Variants in C1orf105 observed in about 807,000 individuals in gnomAD.
C1orf105 encodes the protein chromosome 1 open reading frame 105.
Under a neutral mutation model 20.8 loss-of-function variants are expected in C1orf105, and 17 were observed. The observed-to-expected ratio is 0.82, with a 90% CI of 0.56 to 1.23. The LOEUF (loss-of-function observed/expected upper bound fraction) is 1.23. Among genes scored for constraint, C1orf105 ranks in the 50% most tolerant of loss-of-function variants. The pLI is 0.00. For missense variants in C1orf105, 219 were observed against 213.5 expected (o/e 1.03, Z -0.16); for synonymous variants, 72 against 72.1 (o/e 1.00, Z 0.01).
At chr1:172,425,637 G>C (rs1308291292) in intron 1 of C1orf105, among the ~76,000 whole-genome samples, 5 of 152,032 alleles carry the variant, frequency 3.3e-5, no homozygotes, top group Non-Finnish European at 5.9e-5. Flanking sequence ...TGATCACTTT[G>C]CCCAAAATCA....
chr1:172,443,416 G>A (rs1241906425), intron 1 of C1orf105: 3 of 166,904 alleles, frequency 1.8e-5, no homozygotes, highest in East Asian at 1.9e-4. Context: ...CATACAGAAA[G>A]GTATGAGCTC....
At chr1:172,460,163 A>G (rs1649586976) in intron 4 of C1orf105, among the ~76,000 whole-genome samples, 1 of 152,172 alleles carries the variant, frequency 6.6e-6, no homozygotes. Context: ...AAAACTACTA[A>G]ATTGCACATT....
chr1:172,451,778 A>G lies in C1orf105; in HGVS notation c.198+3247A>G, dbSNP rs773964341. Among the ~76,000 whole-genome samples, 25 of 150,396 alleles carry G rather than the reference A, an allele frequency of 1.7e-4. 1 individual carries two copies. Among genetic ancestry groups the G allele is most frequent in the Admixed American group, 1.3e-3 (19 of 15,194 alleles). ...AGATAGAAGGAACATGTGTAATATC[A>G]TAAGGTTTTTTTTGAATATTGAAAT... On this transcript the variant is annotated intron_variant, in intron 3 of 6. Transcript: ENST00000367727.
chr1:172,437,367 A>G (rs1341344566), intron 1 of C1orf105, among the ~76,000 whole-genome samples: 1 of 152,162 alleles, frequency 6.6e-6, no homozygotes, highest in Non-Finnish European at 1.5e-5. Flanking sequence ...TGGATTATGA[A>G]AATGTGGTAC....
rs139238043 is a variant in C1orf105 at position 172,442,376 on chromosome 1, G to A, written c.22-2697G>A. 1,039 of 1,612,942 alleles carry A rather than the reference G, an allele frequency of 6.4e-4. No individual in the cohort carries two copies. The highest frequency in any genetic ancestry group is 8.1e-4 in the Non-Finnish European group (961 of 1,179,638). On this transcript the variant is annotated intron_variant, in intron 1 of 6. Transcript: ENST00000367727. ...GCCAGACCAGTCCCTAAAAGCCAAT[G>A]GGGGGCCAGAAGACCCTCATCCATA...
chr1:172,460,479 T>C (rs1489417251), intron 4 of C1orf105, among the ~76,000 whole-genome samples: 1 of 152,204 alleles, frequency 6.6e-6, no homozygotes, highest in Non-Finnish European at 1.5e-5. Context: ...GTCCTTCTGT[T>C]ATCTGCATTA....
At chr1:172,434,960 T>C (rs954019257) in intron 1 of C1orf105, among the ~76,000 whole-genome samples, 4 of 152,164 alleles carry the variant, frequency 2.6e-5, no homozygotes, top group African/African-American at 9.7e-5. Context: ...CAGAGAATAC[T>C]ATAAACACCT....
chr1:172,442,411 A>G, intron 1 of C1orf105: 1 of 1,614,090 alleles, frequency 6.2e-7, no homozygotes, highest in South Asian at 1.1e-5. Flanking sequence ...ATACCACCAG[A>G]TAACCACAAA....
At chr1:172,440,919 C>T (rs952064852) in intron 1 of C1orf105, among the ~76,000 whole-genome samples, 1 of 152,192 alleles carries the variant, frequency 6.6e-6, no homozygotes, top group Non-Finnish European at 1.5e-5. Context: ...TGGACATCTC[C>T]ATAGTTGTTC....
At position 172,420,881 on chromosome 1, in the gene C1orf105, G is replaced by A. The variant is rs146005600; in HGVS notation, c.-5G>A. On this transcript the variant is annotated 5_prime_UTR_variant, in exon 1 of 7. Coordinates refer to ENST00000367727, the MANE Select transcript of C1orf105 (RefSeq NM_139240.4). ...AAAAACTCAGAACATCTAAAGATCT[G>A]AAAGATGGAAAAAAGAGAACTAAAG... 5.9e-4 allele frequency: 947 copies of A among 1,611,382 alleles called. 19 individuals carry two copies. In the East Asian group the frequency reaches 0.019, roughly 32 times the overall value.
chr1:172,432,347 C>T (rs2071898651), intron 1 of C1orf105, among the ~76,000 whole-genome samples: 1 of 152,224 alleles, frequency 6.6e-6, no homozygotes, highest in Admixed American at 6.5e-5. Flanking sequence ...TAGGGGCCGA[C>T]TGACACCTCA....
chr1:172,422,767 T>G (rs560438830), intron 1 of C1orf105, among the ~76,000 whole-genome samples: 2 of 150,146 alleles, frequency 1.3e-5, no homozygotes, highest in Non-Finnish European at 3.0e-5. Context: ...CCCTGAAGGG[T>G]AAGTCACTTT....
At position 172,444,048 on chromosome 1, in the gene C1orf105, G is replaced by A. The variant is rs978285187; in HGVS notation, c.22-1025G>A. 2.8e-5 allele frequency: 28 copies of A among 999,568 alleles called. No homozygotes were observed. The African/African-American group carries it at 4.7e-4, about 17-fold the overall frequency. 61.9% of individuals were successfully genotyped at this position (999,568 alleles called of 1,614,324 possible). A position where few individuals can be genotyped will look rare whatever the true frequency, so the allele number is the denominator to read the frequency against. On this transcript the variant is annotated intron_variant, in intron 1 of 6. Coordinates refer to ENST00000367727, the MANE Select transcript of C1orf105 (RefSeq NM_139240.4). ...CGGCACCCAGCCTTTTTCCCGCTTCGGGGCGCCGGGGCTGCGACTGTGGCC... is the reference window on the plus strand; with the variant it reads ...CGGCACCCAGCCTTTTTCCCGCTTCAGGGCGCCGGGGCTGCGACTGTGGCC...
rs141243710 is a variant in C1orf105 at position 172,438,041 on chromosome 1, A to G, written c.22-7032A>G. Among the ~76,000 whole-genome samples the G allele has an allele frequency of 4.5e-4, 69 of 152,308 alleles. No individual in the cohort carries two copies. In the East Asian group the frequency reaches 0.013, roughly 28 times the overall value. On this transcript the variant is annotated intron_variant, in intron 1 of 6. Coordinates refer to ENST00000367727, the MANE Select transcript of C1orf105 (RefSeq NM_139240.4). Reference sequence around the variant, plus strand: ...TCTACTCTGCTCATGCTCTGTGAGTAAAACAATAAAGCATGGATAGCAGCA... The same window carrying G: ...TCTACTCTGCTCATGCTCTGTGAGTGAAACAATAAAGCATGGATAGCAGCA...
intron 1 of C1orf105, chr1:172,444,047 C>T: frequency 1.0e-6 from 1 of 999,636 alleles, no homozygotes; most frequent in Non-Finnish European, 1.2e-6. Context: ...TTTCCCGCTT[C>T]GGGGCGCCGG....
chr1:172,421,529 C>T (rs2149152260), intron 1 of C1orf105, among the ~76,000 whole-genome samples: 1 of 152,202 alleles, frequency 6.6e-6, no homozygotes, highest in Middle Eastern at 3.4e-3. Context: ...AAAATGCATG[C>T]AATACCCTGA....
chr1:172,462,256 A>C lies in C1orf105; in HGVS notation c.341+11A>C. The C allele has an allele frequency of 6.3e-7, 1 of 1,583,998 alleles. No homozygotes were observed. Among genetic ancestry groups the C allele is most frequent in the South Asian group, 1.1e-5 (1 of 88,270 alleles). On this transcript the variant is annotated intron_variant, in intron 5 of 6. Coordinates refer to ENST00000367727, the MANE Select transcript of C1orf105 (RefSeq NM_139240.4). ...TTGTATGAGTTATAGGTAAGTCAAC[A>C]ATTTAAATCAGGACATGACTTAATT...
At chr1:172,450,362 A>C (rs1183974680) in intron 3 of C1orf105, among the ~76,000 whole-genome samples, 1 of 152,248 alleles carries the variant, frequency 6.6e-6, no homozygotes, top group Non-Finnish European at 1.5e-5. Flanking sequence ...CAGTACCTCC[A>C]GTCATATTCT....
chr1:172,432,558 G>A (rs2071906108), intron 1 of C1orf105, among the ~76,000 whole-genome samples: 1 of 152,122 alleles, frequency 6.6e-6, no homozygotes, highest in African/African-American at 2.4e-5. Context: ...AAACAAAAAG[G>A]AATAGCATTA....
Sources: allele counts gnomAD v4.1 joint callset (sites outside exome capture counted in the v4.1 genomes callset), GRCh38; gene constraint gnomAD v4.1.1; transcripts MANE v1.5; gene names NCBI Gene and HGNC (gene_info 2026-07-23, HGNC 2026-07-21).